CTNNA3: variants seen among roughly 807,000 people sequenced by gnomAD.
CTNNA3 encodes catenin alpha-3.
In CTNNA3, 76 loss-of-function variants were observed where a neutral mutation model predicts 95.7. The observed-to-expected ratio is 0.79, with a 90% CI of 0.66 to 0.96. The LOEUF (loss-of-function observed/expected upper bound fraction) is 0.96, where lower values mean the gene tolerates loss of function less well. Among genes scored for constraint, CTNNA3 ranks in the 40% least tolerant of loss-of-function variants. The pLI, the probability that CTNNA3 is intolerant of heterozygous loss-of-function variation, is 0.00. For missense variants in CTNNA3, 1,191 were observed against 1,089.8 expected (o/e 1.09, Z -1.31); for synonymous variants, 431 against 374.4 (o/e 1.15, Z -1.74).
At chr10:66,232,776 G>T (rs1296563175) in intron 13 of CTNNA3, among the ~76,000 whole-genome samples, 4 of 152,118 alleles carry the variant, frequency 2.6e-5, no homozygotes, top group African/African-American at 9.7e-5. Context: ...GAGAAAAGAT[G>T]ATTGATTTGA....
intron 5 of CTNNA3, among the ~76,000 whole-genome samples, chr10:67,387,762 G>A (rs1844253589): frequency 1.3e-5 from 2 of 152,188 alleles, no homozygotes; most frequent in African/African-American, 2.4e-5. Context: ...CCTGACCTCT[G>A]AGCAGCCTAA....
intron 5 of CTNNA3, among the ~76,000 whole-genome samples, chr10:67,390,594 C>A (rs1157712706): frequency 6.6e-6 from 1 of 150,908 alleles, no homozygotes; most frequent in African/African-American, 2.4e-5. Flanking sequence ...CTGGCAGAGA[C>A]ACAACCAAAA....
At chr10:66,955,310 C>A (rs777258258) in intron 7 of CTNNA3, among the ~76,000 whole-genome samples, 7 of 152,186 alleles carry the variant, frequency 4.6e-5, no homozygotes, top group Non-Finnish European at 7.4e-5. Context: ...TGTATCATGA[C>A]TCTGAATAAT....
At chr10:66,519,742 T>C (rs900988926) in intron 11 of CTNNA3, among the ~76,000 whole-genome samples, 4 of 152,102 alleles carry the variant, frequency 2.6e-5, no homozygotes, top group African/African-American at 9.7e-5. Context: ...ATGTCTCATG[T>C]CTCCCTAAAA....
chr10:66,588,024 C>T (rs948786525), intron 10 of CTNNA3, among the ~76,000 whole-genome samples: 2 of 152,164 alleles, frequency 1.3e-5, no homozygotes, highest in Non-Finnish European at 2.9e-5. Context: ...CTTGAGTTAG[C>T]TGGTAGACTT....
intron 5 of CTNNA3, among the ~76,000 whole-genome samples, chr10:67,243,240 C>A (rs553136305): frequency 6.6e-6 from 1 of 152,102 alleles, no homozygotes; most frequent in East Asian, 1.9e-4. Context: ...CAAAAAGAAA[C>A]GTGAGGAATA....
chr10:67,203,285 TA>T (rs1863729001), intron 6 of CTNNA3, among the ~76,000 whole-genome samples: 1 of 152,170 alleles, frequency 6.6e-6, no homozygotes, highest in South Asian at 2.1e-4. Context: ...GATGGTTTTA[TA>T]AAAGGGAGTT....
intron 1 of CTNNA3, among the ~76,000 whole-genome samples, chr10:67,758,417 T>A (rs983654058): frequency 6.6e-6 from 1 of 151,840 alleles, no homozygotes; most frequent in African/African-American, 2.4e-5. Context: ...AAAGACTTGG[T>A]TTTCCTATAT....
rs185943241 is a variant in CTNNA3, at chr10:66,446,636, A to G, written c.1532-67284T>C. Among the ~76,000 whole-genome samples the G allele has an allele frequency of 4.3e-3, 656 of 152,296 alleles. 10 individuals are homozygous for G. The highest frequency in any genetic ancestry group is 0.025 in the East Asian group (129 of 5,180). Reference sequence around the variant, plus strand: ...ACAAAATCCAAAAACCCTTCATGCTAAAAACTCTCAATAAATTACGTATTG... The same window carrying G: ...ACAAAATCCAAAAACCCTTCATGCTGAAAACTCTCAATAAATTACGTATTG... On this transcript the variant is annotated intron_variant, in intron 11 of 17. Transcript: ENST00000433211.
chr10:66,219,677 A>G (rs1357756028), intron 13 of CTNNA3, among the ~76,000 whole-genome samples: 1 of 151,906 alleles, frequency 6.6e-6, no homozygotes, highest in Non-Finnish European at 1.5e-5. Context: ...TTGAAACCTC[A>G]TGAGACAACT....
intron 5 of CTNNA3, among the ~76,000 whole-genome samples, chr10:67,249,135 AC>A (rs749704027): frequency 3.1e-4 from 47 of 152,344 alleles, no homozygotes; most frequent in South Asian, 1.0e-3. Context: ...ATCAAAGAGT[AC>A]TATAAAGTAA....
intron 1 of CTNNA3, among the ~76,000 whole-genome samples, chr10:67,661,840 T>C (rs192108239): frequency 1.2e-4 from 19 of 152,250 alleles, no homozygotes; most frequent in African/African-American, 3.6e-4. Context: ...TATGTACTCC[T>C]CCACACATGC....
intron 17 of CTNNA3, among the ~76,000 whole-genome samples, chr10:65,956,189 G>T (rs962042916): frequency 6.6e-6 from 1 of 152,154 alleles, no homozygotes; most frequent in Non-Finnish European, 1.5e-5. Flanking sequence ...GGTGTTTATA[G>T]TATTCTCTGA....
chr10:67,581,874 T>C (rs953006731), intron 3 of CTNNA3, among the ~76,000 whole-genome samples: 12 of 152,296 alleles, frequency 7.9e-5, no homozygotes, highest in East Asian at 7.7e-4. Flanking sequence ...TCTCTGATGG[T>C]AGTTTGTATT....
chr10:66,483,226 T>C (rs1174092264), intron 11 of CTNNA3, among the ~76,000 whole-genome samples: 8 of 152,212 alleles, frequency 5.3e-5, no homozygotes, highest in Non-Finnish European at 1.2e-4. Context: ...TAATTAATAT[T>C]TTGGAGAAGC....
chr10:66,639,470 CA>C (rs998631996), intron 9 of CTNNA3, among the ~76,000 whole-genome samples: 1 of 152,024 alleles, frequency 6.6e-6, no homozygotes, highest in Non-Finnish European at 1.5e-5. Flanking sequence ...GGAATCCAGA[CA>C]GAATGAACTT....
intron 7 of CTNNA3, among the ~76,000 whole-genome samples, chr10:67,103,861 G>A (rs1008110000): frequency 4.0e-5 from 6 of 151,588 alleles, no homozygotes; most frequent in Non-Finnish European, 5.9e-5. Context: ...ACACTGTGTA[G>A]AGACTTCCTT....
intron 7 of CTNNA3, among the ~76,000 whole-genome samples, chr10:66,859,313 T>C (rs917233846): frequency 1.3e-5 from 2 of 151,272 alleles, no homozygotes; most frequent in African/African-American, 4.9e-5. Flanking sequence ...TCAAACAAAT[T>C]TACAAGAAAA....
At chr10:66,484,294 G>C (rs1228378747) in intron 11 of CTNNA3, among the ~76,000 whole-genome samples, 1 of 151,542 alleles carries the variant, frequency 6.6e-6, no homozygotes, top group Non-Finnish European at 1.5e-5. Context: ...TTTTCAAAAT[G>C]TTCAAACAAT....
Sources: allele counts gnomAD v4.1 joint callset (sites outside exome capture counted in the v4.1 genomes callset), GRCh38; gene constraint gnomAD v4.1.1; transcripts MANE v1.5; gene names NCBI Gene and HGNC (gene_info 2026-07-23, HGNC 2026-07-21).